Variants in ILDR1 observed in about 807,000 individuals in gnomAD.
The protein encoded by ILDR1 is immunoglobulin-like domain-containing receptor 1.
In ILDR1, 56 loss-of-function variants were observed where a neutral mutation model predicts 62.4. The ratio of observed to expected loss-of-function variants is 0.90; its 90% CI spans 0.72 to 1.12. ILDR1 has a LOEUF of 1.12. Among genes scored for constraint, ILDR1 ranks in the 50% most tolerant of loss-of-function variants. ILDR1 has a pLI of 0.00. For synonymous variants in ILDR1, 284 were observed against 277.8 expected, an observed-to-expected ratio of 1.02 and a Z score of -0.22; for missense variants, 736 against 710.6, an observed-to-expected ratio of 1.04 and a Z score of -0.41.
chr3:122,017,492 C>A (rs561262219), intron 1 of ILDR1, among the ~76,000 whole-genome samples: 1 of 152,278 alleles, frequency 6.6e-6, no homozygotes, highest in Admixed American at 6.5e-5. Flanking sequence ...GTTGTTGGGG[C>A]AAGATGTTTA....
At chr3:122,048,602 ACTAGTTACAGGTCTGTTCAGATTAT>A in the ILDR1 span, among the ~76,000 whole-genome samples, 1 of 152,192 alleles carries the variant, frequency 6.6e-6, no homozygotes, top group African/African-American at 2.4e-5. Flanking sequence ...CAATCTGATT[ACTAGTTACAGGTCTGTTCAGATTAT>A]CTATTTCTTT....
At chr3:121,990,123 A>T (rs756079056) in intron 7 of ILDR1, among the ~76,000 whole-genome samples, 1 of 152,146 alleles carries the variant, frequency 6.6e-6, no homozygotes, top group Non-Finnish European at 1.5e-5. Flanking sequence ...AGGATGTTTC[A>T]CTACAAGCTC....
At chr3:122,018,193 C>G (rs1167078056) in intron 1 of ILDR1, among the ~76,000 whole-genome samples, 2 of 152,098 alleles carry the variant, frequency 1.3e-5, no homozygotes, top group African/African-American at 2.4e-5. Flanking sequence ...ACATATACAC[C>G]ATGGAATACT....
intron 5 of ILDR1, among the ~76,000 whole-genome samples, chr3:121,999,940 T>A (rs151266175): frequency 9.2e-5 from 14 of 152,318 alleles, no homozygotes; most frequent in African/African-American, 3.4e-4. Flanking sequence ...AAATATAGAT[T>A]TGCTGGGCAC....
the ILDR1 span, among the ~76,000 whole-genome samples, chr3:122,060,136 G>T: frequency 6.6e-6 from 1 of 152,160 alleles, no homozygotes; most frequent in Non-Finnish European, 1.5e-5. Flanking sequence ...AGTGCATCAG[G>T]GAGGAGGGAA....
intron 7 of ILDR1, among the ~76,000 whole-genome samples, chr3:121,989,179 TA>T (rs1023034926): frequency 1.0e-3 from 155 of 152,178 alleles, no homozygotes; most frequent in African/African-American, 3.0e-3. Flanking sequence ...CATGTTGCTA[TA>T]AAAAAAAGTT....
upstream of ILDR1, chr3:122,022,331 G>A (rs1182998202): frequency 4.9e-6 from 2 of 410,564 alleles, no homozygotes; most frequent in South Asian, 4.7e-5. Context: ...CCGCCTCCCG[G>A]GGGACTGCGG....
At chr3:122,027,334 C>T in the ILDR1 span, among the ~76,000 whole-genome samples, 9 of 152,080 alleles carry the variant, frequency 5.9e-5, no homozygotes, top group Non-Finnish European at 7.4e-5. Flanking sequence ...GGATTACCTG[C>T]GCCCACCACT....
chr3:122,030,353 G>A, the ILDR1 span, among the ~76,000 whole-genome samples: 1 of 151,950 alleles, frequency 6.6e-6, no homozygotes, highest in Non-Finnish European at 1.5e-5. Context: ...GAGGGAGAGA[G>A]AGAAAATTAT....
At chr3:122,031,491 A>G in the ILDR1 span, among the ~76,000 whole-genome samples, 1 of 152,172 alleles carries the variant, frequency 6.6e-6, no homozygotes, top group East Asian at 1.9e-4. Context: ...ACTGCTAGAG[A>G]CTGAATATTT....
the ILDR1 span, among the ~76,000 whole-genome samples, chr3:122,028,529 A>G: frequency 1.3e-5 from 2 of 152,212 alleles, no homozygotes; most frequent in African/African-American, 4.8e-5. Flanking sequence ...AGGAAAAGAT[A>G]TTTGCTGTGC....
the ILDR1 span, among the ~76,000 whole-genome samples, chr3:122,033,194 T>C: frequency 3.3e-5 from 5 of 152,150 alleles, no homozygotes; most frequent in Non-Finnish European, 7.4e-5. Flanking sequence ...TGCTGGTGGG[T>C]GTGAGATGGT....
the ILDR1 span, among the ~76,000 whole-genome samples, chr3:122,059,800 T>A: frequency 6.6e-6 from 1 of 151,418 alleles, no homozygotes; most frequent in African/African-American, 2.4e-5. Context: ...TTAAATGAGG[T>A]CATTAGGGTG....
chr3:121,990,685 G>C (rs2071329749), intron 7 of ILDR1, among the ~76,000 whole-genome samples: 1 of 152,150 alleles, frequency 6.6e-6, no homozygotes, highest in South Asian at 2.1e-4. Flanking sequence ...TAGAACCTGG[G>C]CTCAAGTGAT....
intron 1 of ILDR1, among the ~76,000 whole-genome samples, chr3:122,007,491 T>C (rs193249998): frequency 0.014 from 2,135 of 152,122 alleles, 48 homozygotes; most frequent in African/African-American, 0.049. Flanking sequence ...ACTGCTAATA[T>C]ATTTTTTTCC....
At chr3:122,050,545 T>TCCCC in the ILDR1 span, among the ~76,000 whole-genome samples, 2 of 142,582 alleles carry the variant, frequency 1.4e-5, no homozygotes, top group African/African-American at 5.2e-5. Context: ...TGCTTTTACT[T>TCCCC]CCCCCCCCCC....
chr3:122,009,659 T>C (rs552220979), intron 1 of ILDR1, among the ~76,000 whole-genome samples: 17 of 151,888 alleles, frequency 1.1e-4, no homozygotes, highest in African/African-American at 4.1e-4. Context: ...TCCAACAGAG[T>C]TTTCAAACGG....
Position 121,993,648 on chromosome 3 carries a change from C to T in ILDR1, c.1101G>A (p.Gly367=), listed in dbSNP as rs1308259269. Residue 367 remains glycine (G), a synonymous_variant, in exon 7 of 8, where the codon GGG becomes GGA. Coordinates refer to ENST00000344209, the MANE Select transcript of ILDR1 (RefSeq NM_001199799.2). ...AATCAGGGTAATGGTGGTGGCTTCT[C>T]CCCTCCCTCAGATCCCAGGGCCTGG... ...IPSRPWDLRE[G]RSHHHYPDFH... is the part of the protein sequence containing the mutation. 18 of 1,614,210 alleles carry T rather than the reference C, an allele frequency of 1.1e-5. No homozygotes were observed. Among genetic ancestry groups the T allele is most frequent in the Non-Finnish European group, 1.4e-5 (16 of 1,180,034 alleles).
chr3:122,027,072 A>G (rs2071928150), upstream of ILDR1, among the ~76,000 whole-genome samples: 2 of 152,260 alleles, frequency 1.3e-5, no homozygotes, highest in Non-Finnish European at 2.9e-5. Flanking sequence ...AATAAGTCCA[A>G]CAAAATATGT....
Sources: gnomAD v4.1 joint callset for allele counts (sites outside exome capture counted in the v4.1 genomes callset) on GRCh38, gnomAD v4.1.1 for gene constraint, MANE v1.5 for transcripts, NCBI Gene and HGNC (gene_info 2026-07-23, HGNC 2026-07-21) for gene names.